Variants in ANKRD13C observed in about 807,000 individuals in gnomAD.
ANKRD13C encodes the protein ankyrin repeat domain 13C.
Under a neutral mutation model 65.5 loss-of-function variants are expected in ANKRD13C, and 16 were observed. That is an observed-to-expected ratio of 0.24 (90% CI 0.17 to 0.37). The LOEUF (loss-of-function observed/expected upper bound fraction) is 0.37, where lower values mean the gene tolerates loss of function less well. Among genes scored for constraint, ANKRD13C ranks in the 10% least tolerant of loss-of-function variants. The probability of loss-of-function intolerance (pLI) is 1.00; values close to 1 mark genes in which losing one functional copy is unlikely to be tolerated. For missense variants in ANKRD13C, 503 were observed against 655.9 expected, an observed-to-expected ratio of 0.77 and a Z score of 2.55; for synonymous variants, 235 against 238.7, an observed-to-expected ratio of 0.98 and a Z score of 0.14.
At chr1:70,322,718 C>T (rs569110702) in intron 3 of ANKRD13C, among the ~76,000 whole-genome samples, 4 of 152,212 alleles carry the variant, frequency 2.6e-5, no homozygotes, top group East Asian at 3.9e-4. Context: ...TGAGGCCGGG[C>T]GCAGTGGCTC....
intron 3 of ANKRD13C, among the ~76,000 whole-genome samples, chr1:70,318,136 A>G (rs1452315249): frequency 6.6e-6 from 1 of 152,210 alleles, no homozygotes; most frequent in African/African-American, 2.4e-5. Context: ...CACATTCAGA[A>G]AGCAATTACA....
At chr1:70,329,554 C>G (rs766881994) in intron 2 of ANKRD13C, among the ~76,000 whole-genome samples, 4 of 151,666 alleles carry the variant, frequency 2.6e-5, no homozygotes, top group Non-Finnish European at 5.9e-5. Flanking sequence ...AAAAAAGATA[C>G]TATAAAAATA....
Position 70,296,661 on chromosome 1 carries a change from T to C in ANKRD13C, c.922-400A>G, listed in dbSNP as rs369011577. On this transcript the variant is annotated intron_variant, in intron 7 of 12. Coordinates refer to ENST00000370944, the MANE Select transcript of ANKRD13C (RefSeq NM_030816.5). ...CAGATAAAGGATATTTTTCTTTCAA[T>C]ACAGATTAATCTTACTTTAGTTCTT... is the stretch of plus-strand genomic sequence containing the variant. 4.0e-4 allele frequency among the ~76,000 whole-genome samples: 61 copies of C among 152,300 alleles called. 1 individual carries two copies. The South Asian group carries it at 8.1e-3, about 20-fold the overall frequency.
In ANKRD13C at chr1:70,354,064, C is replaced by T. The variant is rs1467752061; in HGVS notation, c.345G>A (p.Pro115=). ...ADGGSCPAHY[P]VHECVFKGDV... ...CCCCCTTGAAGACGCACTCGTGCAC[C>T]GGGTAGTGTGCGGGGCAACTGCCTC... The change falls in exon 1 of 13, where the codon CCG becomes CCA. Residue 115 remains proline, a synonymous_variant. Transcript: ENST00000370944. The T allele has an allele frequency of 1.9e-6, 3 of 1,606,376 alleles. No homozygotes were observed. The South Asian group carries it at 3.3e-5, about 18-fold the overall frequency.
chr1:70,294,182 A>G (rs1679978703), intron 8 of ANKRD13C, among the ~76,000 whole-genome samples: 1 of 152,214 alleles, frequency 6.6e-6, no homozygotes, highest in Non-Finnish European at 1.5e-5. Flanking sequence ...CACTTTATGA[A>G]AAAGTAAGCA....
At chr1:70,330,128 T>C (rs1376492609) in intron 2 of ANKRD13C, among the ~76,000 whole-genome samples, 1 of 151,372 alleles carries the variant, frequency 6.6e-6, no homozygotes, top group Non-Finnish European at 1.5e-5. Flanking sequence ...GAATGTCTTC[T>C]CTCAGTAATG....
intron 1 of ANKRD13C, among the ~76,000 whole-genome samples, chr1:70,345,713 A>G (rs1335746241): frequency 3.3e-5 from 5 of 152,214 alleles, no homozygotes; most frequent in African/African-American, 1.2e-4. Context: ...GAACCCATCA[A>G]GCTTACCATG....
chr1:70,334,054 T>C (rs1681916421), intron 2 of ANKRD13C, among the ~76,000 whole-genome samples: 2 of 152,212 alleles, frequency 1.3e-5, no homozygotes, highest in Admixed American at 1.3e-4. Flanking sequence ...TCAGGCACAG[T>C]GACTCACATC....
In ANKRD13C at chr1:70,306,275, C is replaced by T. The variant is rs1406275483; in HGVS notation, c.725G>A (p.Arg242Gln). The change falls in exon 6 of 13, where the codon CGA becomes CAA. Residue 242 changes from arginine to glutamine, a missense_variant. Physicochemically the swap from Arg to Gln is conservative, Grantham distance 43. Transcript: ENST00000370944. ...DFQSWVPLLSRILPSDACKIY... is the reference protein window; with the variant it reads ...DFQSWVPLLSQILPSDACKIY... ...TTTACATGCATCGGAAGGCAGAATT[C>T]GGGAAAGTAAAGGCACTGTATTTTT... The T allele has an allele frequency of 3.2e-6, 5 of 1,572,486 alleles. No individual in the cohort carries two copies. Among genetic ancestry groups the T allele is most frequent in the African/African-American group, 2.7e-5 (2 of 73,880 alleles).
chr1:70,338,828 T>C (rs1682173017), intron 1 of ANKRD13C, among the ~76,000 whole-genome samples: 1 of 152,188 alleles, frequency 6.6e-6, no homozygotes, highest in South Asian at 2.1e-4. Flanking sequence ...CATGAGCAAG[T>C]AACAATTTCC....
chr1:70,334,717 G>GA (rs1681943426), intron 2 of ANKRD13C, among the ~76,000 whole-genome samples: 1 of 151,968 alleles, frequency 6.6e-6, no homozygotes, highest in Non-Finnish European at 1.5e-5. Flanking sequence ...CTGAGGTCGG[G>GA]GGTTCGAGAT....
At chr1:70,290,328 T>C (rs775163036) in intron 9 of ANKRD13C, among the ~76,000 whole-genome samples, 35 of 152,152 alleles carry the variant, frequency 2.3e-4, no homozygotes, top group Non-Finnish European at 4.4e-4. Flanking sequence ...TCCAGGACAA[T>C]ACTATAGGGA....
chr1:70,276,606 T>C lies in ANKRD13C; in HGVS notation c.1295+159A>G, dbSNP rs75275994. Among the ~76,000 whole-genome samples, 3,079 of 152,308 alleles carry C rather than the reference T, an allele frequency of 0.02. 115 individuals carry two copies. Among genetic ancestry groups the C allele is most frequent in the African/African-American group, 0.071 (2,960 of 41,566 alleles). ...AATTTGGGACACTTTGCCCTTATCATATTTAATCCATATTTTTAAAAGGTA... is the reference window on the plus strand; with the variant it reads ...AATTTGGGACACTTTGCCCTTATCACATTTAATCCATATTTTTAAAAGGTA... On this transcript the variant is annotated intron_variant, in intron 10 of 12. Transcript: ENST00000370944.
intron 1 of ANKRD13C, among the ~76,000 whole-genome samples, chr1:70,347,413 C>G (rs906971619): frequency 2.6e-5 from 4 of 152,178 alleles, no homozygotes; most frequent in African/African-American, 9.6e-5. Context: ...ATGGCATTAA[C>G]TTGGGGCAGC....
intron 10 of ANKRD13C, 68 bp from the exon 11 acceptor site, chr1:70,274,886 T>C: frequency 2.1e-6 from 2 of 955,944 alleles, no homozygotes; most frequent in Non-Finnish European, 1.7e-6. Context: ...AAGAAGCATC[T>C]GTCATCTTTC....
At chr1:70,334,340 T>A (rs1458698313) in intron 2 of ANKRD13C, among the ~76,000 whole-genome samples, 1 of 152,148 alleles carries the variant, frequency 6.6e-6, no homozygotes. Flanking sequence ...ATAAAAATTA[T>A]ATTATCCTGT....
intron 1 of ANKRD13C, among the ~76,000 whole-genome samples, chr1:70,352,558 C>T (rs926003743): frequency 2.0e-5 from 3 of 152,020 alleles, no homozygotes; most frequent in African/African-American, 7.3e-5. Context: ...ACTCTCAAAC[C>T]TTTTATCTGT....
At chr1:70,332,953 T>G (rs534534822) in intron 2 of ANKRD13C, among the ~76,000 whole-genome samples, 1 of 152,280 alleles carries the variant, frequency 6.6e-6, no homozygotes, top group Non-Finnish European at 1.5e-5. Context: ...TATTAACTAC[T>G]AAAGTGCTAA....
chr1:70,278,953 C>G (rs187324555), intron 9 of ANKRD13C, among the ~76,000 whole-genome samples: 1 of 152,114 alleles, frequency 6.6e-6, no homozygotes, highest in African/African-American at 2.4e-5. Context: ...ATAATCCTGG[C>G]ACTTTGGGAG....
Sources: allele counts gnomAD v4.1 joint callset (sites outside exome capture counted in the v4.1 genomes callset), GRCh38; gene constraint gnomAD v4.1.1; transcripts MANE v1.5; gene names NCBI Gene and HGNC (gene_info 2026-07-23, HGNC 2026-07-21).